The following RARB variants were observed in gnomAD, a reference collection of about 807,000 sequenced individuals.
RARB encodes retinoic acid receptor beta, also known as HBV-activated protein.
In RARB, 17 loss-of-function variants were observed where a neutral mutation model predicts 51.9. The observed-to-expected ratio is 0.33, with a 90% confidence interval of 0.22 to 0.49. The LOEUF is 0.49. Among genes scored for constraint, RARB ranks in the 20% least tolerant of loss-of-function variants. The pLI is 0.99. For missense variants in RARB, 369 were observed against 550.8 expected, an observed-to-expected ratio of 0.67 and a Z score of 3.30; for synonymous variants, 215 against 195.4, an observed-to-expected ratio of 1.10 and a Z score of -0.84.
intron 5 of RARB, among the ~76,000 whole-genome samples, chr3:25,187,239 G>A (rs1168415797): frequency 1.3e-5 from 2 of 151,968 alleles, no homozygotes; most frequent in African/African-American, 4.8e-5. Flanking sequence ...GGACTAGCAT[G>A]TTCTGAACCC....
chr3:24,978,155 G>A (rs1696560773), intron 2 of RARB, among the ~76,000 whole-genome samples: 3 of 152,174 alleles, frequency 2.0e-5, no homozygotes, highest in African/African-American at 7.2e-5. Context: ...CAGTTTGCCA[G>A]TATTTTATTG....
chr3:25,059,823 G>A (rs1698512752), intron 2 of RARB, among the ~76,000 whole-genome samples: 1 of 151,788 alleles, frequency 6.6e-6, no homozygotes, highest in South Asian at 2.1e-4. Flanking sequence ...TATAATCTCT[G>A]ATGAGAAATG....
intron 5 of RARB, among the ~76,000 whole-genome samples, chr3:25,294,755 C>T (rs1424339761): frequency 7.5e-5 from 11 of 147,070 alleles, no homozygotes; most frequent in African/African-American, 2.8e-4. Flanking sequence ...GCAATGTATT[C>T]GTGGCCTCCC....
intron 2 of RARB, among the ~76,000 whole-genome samples, chr3:24,998,423 A>G (rs1212287265): frequency 1.3e-5 from 2 of 151,632 alleles, no homozygotes; most frequent in Non-Finnish European, 2.9e-5. Flanking sequence ...TGGTGTTTGG[A>G]TTTTTTTGTG....
At chr3:25,321,869 TAA>T (rs542980653) in intron 5 of RARB, among the ~76,000 whole-genome samples, 3 of 143,656 alleles carry the variant, frequency 2.1e-5, no homozygotes, top group Non-Finnish European at 4.6e-5. Flanking sequence ...CTCTAAAATT[TAA>T]AAAAAAAAAA....
intron 5 of RARB, among the ~76,000 whole-genome samples, chr3:25,334,188 A>C (rs1390233550): frequency 6.6e-6 from 1 of 152,210 alleles, no homozygotes; most frequent in Non-Finnish European, 1.5e-5. Context: ...GTATATACCC[A>C]AAGGATTATA....
chr3:25,419,697 C>A (rs992161402), intron 5 of RARB, among the ~76,000 whole-genome samples: 1 of 152,112 alleles, frequency 6.6e-6, no homozygotes, highest in East Asian at 1.9e-4. Flanking sequence ...GGTGTGAAGC[C>A]CTGGAAGCAC....
At chr3:25,015,757 A>G (rs1463336540) in intron 2 of RARB, among the ~76,000 whole-genome samples, 1 of 152,186 alleles carries the variant, frequency 6.6e-6, no homozygotes, top group Non-Finnish European at 1.5e-5. Context: ...TAGTGCTTTT[A>G]GACTATATGC....
Position 25,428,424 on chromosome 3 carries a change from G to A in RARB, c.-308G>A, listed in dbSNP as rs982080051. The A allele has an allele frequency of 1.0e-5, 13 of 1,276,462 alleles. No homozygotes were observed. Among genetic ancestry groups the A allele is most frequent in the African/African-American group, 3.0e-5 (2 of 65,704 alleles). 79.1% of individuals were successfully genotyped at this position (1,276,462 alleles called of 1,614,324 possible). ...TCTGGGCACCGTCGGGGTAGGATCC[G>A]GAACGCATTCGGAAGGCTTTTTGCA... is the stretch of plus-strand genomic sequence containing the variant. On this transcript the variant is annotated 5_prime_UTR_variant, in exon 1 of 8. Transcript: ENST00000330688.
chr3:24,885,448 T>C (rs1461337364), intron 2 of RARB, among the ~76,000 whole-genome samples: 1 of 152,180 alleles, frequency 6.6e-6, no homozygotes, highest in Non-Finnish European at 1.5e-5. Context: ...TGAGAATCTG[T>C]GGTTCTGAAT....
chr3:25,147,564 T>C (rs1013928320), intron 4 of RARB, among the ~76,000 whole-genome samples: 1 of 152,210 alleles, frequency 6.6e-6, no homozygotes, highest in African/African-American at 2.4e-5. Context: ...AGAAAAGTGG[T>C]TACTCTTCTA....
At chr3:25,400,071 G>C (rs1575373043) in intron 5 of RARB, among the ~76,000 whole-genome samples, 2 of 152,328 alleles carry the variant, frequency 1.3e-5, no homozygotes, top group African/African-American at 4.8e-5. Context: ...CATACTGGAA[G>C]CATTTAATAA....
chr3:25,261,437 T>C (rs1042603803), intron 5 of RARB, among the ~76,000 whole-genome samples: 2 of 152,148 alleles, frequency 1.3e-5, no homozygotes, highest in Non-Finnish European at 2.9e-5. Flanking sequence ...AACATGCTAC[T>C]GTCCCCTGAG....
chr3:25,252,081 A>G (rs1288292728), intron 5 of RARB, among the ~76,000 whole-genome samples: 2 of 152,128 alleles, frequency 1.3e-5, no homozygotes, highest in African/African-American at 4.8e-5. Context: ...ATGTGAATAC[A>G]CAGTTGTCCC....
intron 2 of RARB, among the ~76,000 whole-genome samples, chr3:25,490,650 G>A (rs1353254409): frequency 6.6e-6 from 1 of 152,144 alleles, no homozygotes; most frequent in Non-Finnish European, 1.5e-5. Context: ...GTACAAAGCA[G>A]CTGGGGTCCG....
intron 5 of RARB, among the ~76,000 whole-genome samples, chr3:25,191,949 A>G (rs1359283938): frequency 2.0e-5 from 3 of 152,104 alleles, no homozygotes; most frequent in African/African-American, 7.2e-5. Flanking sequence ...TGGAGAAGAG[A>G]GTCTCTTAGG....
intron 2 of RARB, among the ~76,000 whole-genome samples, chr3:25,483,497 A>G (rs1289402538): frequency 1.3e-5 from 2 of 151,664 alleles, no homozygotes; most frequent in South Asian, 2.1e-4. Flanking sequence ...TCTAGATCAG[A>G]AAGTCATAAA....
At chr3:25,366,219 T>A (rs1278496250) in intron 5 of RARB, among the ~76,000 whole-genome samples, 1 of 152,210 alleles carries the variant, frequency 6.6e-6, no homozygotes, top group East Asian at 1.9e-4. Flanking sequence ...AATGGGAAAG[T>A]GTTGCTCAAA....
chr3:25,481,461 C>G (rs1696221795), intron 2 of RARB, among the ~76,000 whole-genome samples: 1 of 152,042 alleles, frequency 6.6e-6, no homozygotes, highest in African/African-American at 2.4e-5. Flanking sequence ...TAAAGCTAGC[C>G]CAGAAGCTAG....
Sources: allele counts gnomAD v4.1 joint callset (sites outside exome capture counted in the v4.1 genomes callset), GRCh38; gene constraint gnomAD v4.1.1; transcripts MANE v1.5; gene names NCBI Gene and HGNC (gene_info 2026-07-23, HGNC 2026-07-21).